Variants in MAGI1 observed in about 807,000 individuals in gnomAD.
MAGI1 encodes membrane associated guanylate kinase, WW and PDZ domain containing 1, also known as membrane-associated guanylate kinase, WW and PDZ domain-containing protein 1.
MAGI1 carries 58 observed loss-of-function variants against 139.9 expected under a neutral mutation model. The ratio of observed to expected loss-of-function variants is 0.41; its 90% confidence interval spans 0.34 to 0.52. The LOEUF is 0.52. Among genes scored for constraint, MAGI1 ranks in the 20% least tolerant of loss-of-function variants. MAGI1 has a pLI of 0.12. For synonymous variants in MAGI1, 812 were observed against 737.9 expected (o/e 1.10, Z -1.63); for missense variants, 1,874 against 1,901.6 (o/e 0.99, Z 0.27).
At chr3:65,892,381 A>C (rs769342501) in intron 1 of MAGI1, among the ~76,000 whole-genome samples, 1 of 152,192 alleles carries the variant, frequency 6.6e-6, no homozygotes, top group African/African-American at 2.4e-5. Flanking sequence ...TAACTTTTTG[A>C]TGGACATAAA....
chr3:66,008,271 T>C (rs1428025227), intron 1 of MAGI1, among the ~76,000 whole-genome samples: 4 of 152,330 alleles, frequency 2.6e-5, no homozygotes, highest in Middle Eastern at 3.4e-3. Context: ...TTGTTAGAGA[T>C]GCCCAACCTG....
In MAGI1 at chr3:65,612,388, A is replaced by G. The variant is rs11925991; in HGVS notation, c.430+9584T>C. ...CATAATATATTTGTAACCATTTTTA[A>G]TGTTTTGTAGCCATTTGAGCATAAG... On this transcript the variant is annotated intron_variant, in intron 2 of 22. Coordinates refer to ENST00000402939, the MANE Select transcript of MAGI1 (RefSeq NM_001033057.2). Among the ~76,000 whole-genome samples, 523 of 152,120 alleles carry G rather than the reference A, an allele frequency of 3.4e-3. 2 individuals are homozygous for G. Among genetic ancestry groups the G allele is most frequent in the African/African-American group, 0.012 (479 of 41,490 alleles).
Position 65,899,810 on chromosome 3 carries a change from A to G in MAGI1, c.313+138186T>C, listed in dbSNP as rs560456398. Among the ~76,000 whole-genome samples the G allele has an allele frequency of 4.6e-5, 7 of 152,318 alleles. No individual in the cohort carries two copies. The South Asian group carries it at 1.5e-3, about 32-fold the overall frequency. ...GACTTTCAAAGGGGGATAAAGTTAA[A>G]ACTGGATTAAGGAACCCAAATTAAA... On this transcript the variant is annotated intron_variant, in intron 1 of 22. Coordinates refer to ENST00000402939, the MANE Select transcript of MAGI1 (RefSeq NM_001033057.2).
intron 1 of MAGI1, among the ~76,000 whole-genome samples, chr3:65,649,515 C>T (rs552067822): frequency 6.6e-6 from 1 of 152,232 alleles, no homozygotes; most frequent in South Asian, 2.1e-4. Flanking sequence ...TGAAAATTAA[C>T]AACTTTTTTT....
chr3:65,502,127 C>T (rs1221946292), intron 2 of MAGI1, among the ~76,000 whole-genome samples: 20 of 152,128 alleles, frequency 1.3e-4, no homozygotes, highest in African/African-American at 4.8e-5. Context: ...AAACCCATAG[C>T]GCACACCACG....
intron 1 of MAGI1, among the ~76,000 whole-genome samples, chr3:65,797,179 C>T (rs530942190): frequency 6.6e-6 from 1 of 152,230 alleles, no homozygotes; most frequent in Admixed American, 6.5e-5. Flanking sequence ...AAGGCAAGTC[C>T]AATTAGTGCA....
chr3:65,827,698 A>C (rs12490463), intron 1 of MAGI1, among the ~76,000 whole-genome samples: 98,043 of 152,006 alleles, frequency 0.64, 32,081 homozygotes, highest in East Asian at 0.95. Context: ...TTCTCCTACA[A>C]TAAAGTCCCA....
intron 22 of MAGI1, chr3:65,360,455 T>A: frequency 1.0e-6 from 1 of 984,028 alleles, no homozygotes; most frequent in Non-Finnish European, 1.2e-6. Flanking sequence ...TATGTAAAGA[T>A]CATTGCTGTC....
intron 1 of MAGI1, among the ~76,000 whole-genome samples, chr3:65,965,214 G>A (rs976671758): frequency 3.9e-5 from 6 of 152,154 alleles, no homozygotes; most frequent in African/African-American, 1.2e-4. Context: ...TACAAACTCC[G>A]AGGATCATTT....
At chr3:65,441,442 C>G (rs1428312592) in intron 8 of MAGI1, among the ~76,000 whole-genome samples, 1 of 152,100 alleles carries the variant, frequency 6.6e-6, no homozygotes, top group African/African-American at 2.4e-5. Context: ...TTTCCTAATT[C>G]TTGTAGCAAT....
intron 13 of MAGI1, among the ~76,000 whole-genome samples, chr3:65,399,252 C>T (rs1261462765): frequency 6.6e-6 from 1 of 152,110 alleles, no homozygotes; most frequent in African/African-American, 2.4e-5. Context: ...CTTTCTGGTA[C>T]CAGGACATCC....
chr3:65,541,282 AC>A, intron 2 of MAGI1, among the ~76,000 whole-genome samples: 1 of 152,142 alleles, frequency 6.6e-6, no homozygotes, highest in South Asian at 2.1e-4. Context: ...ATAATTAATA[AC>A]CTACTAACCA....
At chr3:65,438,136 T>C (rs1192230730) in intron 9 of MAGI1, among the ~76,000 whole-genome samples, 1 of 152,162 alleles carries the variant, frequency 6.6e-6, no homozygotes, top group Non-Finnish European at 1.5e-5. Context: ...TAAGTGTCCA[T>C]CAGTGGATAA....
intron 1 of MAGI1, among the ~76,000 whole-genome samples, chr3:65,724,261 A>ACC (rs2033370571): frequency 6.6e-6 from 1 of 152,208 alleles, no homozygotes; most frequent in Non-Finnish European, 1.5e-5. Flanking sequence ...AACAAAAATC[A>ACC]CCACCACACT....
At chr3:65,371,895 T>G (rs770228583) in intron 18 of MAGI1, 14 of 448,106 alleles carry the variant, frequency 3.1e-5, no homozygotes, top group South Asian at 2.2e-4. Flanking sequence ...CCAATTCTAC[T>G]TCTCTTGCTA....
chr3:65,973,753 G>T (rs937314717), intron 1 of MAGI1, among the ~76,000 whole-genome samples: 1 of 152,120 alleles, frequency 6.6e-6, no homozygotes, highest in African/African-American at 2.4e-5. Flanking sequence ...TACATAAATT[G>T]CTTAGCACAG....
At chr3:65,919,670 T>G (rs2062077504) in intron 1 of MAGI1, among the ~76,000 whole-genome samples, 1 of 90,664 alleles carries the variant, frequency 1.1e-5, no homozygotes, top group Non-Finnish European at 2.0e-5. Flanking sequence ...ATTCTCTCAT[T>G]CTCTCTCCTT....
intron 2 of MAGI1, among the ~76,000 whole-genome samples, chr3:65,522,848 C>CA (rs1216038115): frequency 6.6e-6 from 1 of 152,036 alleles, no homozygotes; most frequent in African/African-American, 2.4e-5. Flanking sequence ...ATTCCACTAC[C>CA]AAAAAAATAT....
chr3:65,796,647 C>G (rs935749370), intron 1 of MAGI1, among the ~76,000 whole-genome samples: 2 of 152,150 alleles, frequency 1.3e-5, no homozygotes, highest in Non-Finnish European at 2.9e-5. Flanking sequence ...TACTTTAAAT[C>G]TTTTTAAATG....
Sources: gnomAD v4.1 joint callset for allele counts (sites outside exome capture counted in the v4.1 genomes callset) on GRCh38, gnomAD v4.1.1 for gene constraint, MANE v1.5 for transcripts, NCBI Gene and HGNC (gene_info 2026-07-23, HGNC 2026-07-21) for gene names.